CATSPERD: variants seen among roughly 807,000 people sequenced by gnomAD.
The protein encoded by CATSPERD is cation channel sperm-associated auxiliary subunit delta.
Under a neutral mutation model 98.1 loss-of-function variants are expected in CATSPERD, and 86 were observed. That is an observed-to-expected ratio of 0.88 (90% confidence interval 0.74 to 1.05). CATSPERD has a LOEUF of 1.05. Ranked by LOEUF, CATSPERD falls within the 50% of genes least tolerant of loss-of-function variation. CATSPERD has a pLI of 0.00. For synonymous variants in CATSPERD, 394 were observed against 390.2 expected (o/e 1.01, Z -0.12); for missense variants, 995 against 1,005.7 (o/e 0.99, Z 0.14).
At chr19:5,778,114 G>T (rs1369522489) in intron 21 of CATSPERD, among the ~76,000 whole-genome samples, 1 of 151,448 alleles carries the variant, frequency 6.6e-6, no homozygotes, top group Non-Finnish European at 1.5e-5. Flanking sequence ...GGCTGAGGCA[G>T]GAGAATTGCT....
Position 5,757,843 on chromosome 19 carries a change from G to C in CATSPERD, c.1279G>C (p.Val427Leu). The change falls in exon 14 of 22, where the codon GTG (valine) becomes CTG (leucine). Residue 427 changes from valine to leucine, a missense_variant and splice_region_variant. By Grantham distance (32) the Val-to-Leu change is conservative. Transcript: ENST00000381624. ...CTGAGCTTCTCTCCCCCACTCCCAG[G>C]TGATGGTGAGCAACCCCCACTCCCT... ...PQPGTSLIPL[V>L]MVSNPHSLGF... 4 of 1,612,594 alleles carry C rather than the reference G, an allele frequency of 2.5e-6. No individual in the cohort carries two copies. Among genetic ancestry groups the C allele is most frequent in the Non-Finnish European group, 3.4e-6 (4 of 1,179,484 alleles).
intron 6 of CATSPERD, among the ~76,000 whole-genome samples, chr19:5,738,352 CAA>C (rs767298084): frequency 0.073 from 7,635 of 104,890 alleles, 626 homozygotes; most frequent in African/African-American, 0.23. Flanking sequence ...ACTCAAAATA[CAA>C]AAAAAAAAAA....
At position 5,768,177 on chromosome 19, in the gene CATSPERD, C is replaced by T. The variant is rs17852928; in HGVS notation, c.1569C>T (p.Ser523=). ...DKKIVIQNKV[S]ACSMGILDPL... is the part of the protein sequence containing the mutation. Reference sequence around the variant, plus strand: ...CCACTTTTGCTTGCAGCAAAGTTTCCGCCTGTTCCATGGGCATCCTGGACC... The same window carrying T: ...CCACTTTTGCTTGCAGCAAAGTTTCTGCCTGTTCCATGGGCATCCTGGACC... Residue 523 remains serine, a synonymous_variant, in exon 18 of 22, where the codon TCC becomes TCT. Coordinates refer to ENST00000381624, the MANE Select transcript of CATSPERD (RefSeq NM_152784.4). 302 of 1,613,528 alleles carry T rather than the reference C, an allele frequency of 1.9e-4. No homozygotes were observed. Among genetic ancestry groups the T allele is most frequent in the East Asian group, 4.0e-4 (18 of 44,838 alleles).
intron 1 of CATSPERD, among the ~76,000 whole-genome samples, chr19:5,722,096 C>T (rs540950280): frequency 1.8e-4 from 27 of 152,142 alleles, no homozygotes; most frequent in African/African-American, 6.5e-4. Context: ...GGATTACAGG[C>T]ATGAGCCACC....
chr19:5,736,021 C>T (rs962707014), intron 5 of CATSPERD, among the ~76,000 whole-genome samples: 61 of 143,152 alleles, frequency 4.3e-4, no homozygotes, highest in African/African-American at 1.6e-3. Flanking sequence ...TCATGATCCG[C>T]CCGCTTCAGC....
At chr19:5,735,774 A>ATTTTTTTTTTTTTTTTTT (rs34107835) in intron 5 of CATSPERD, among the ~76,000 whole-genome samples, 1 of 102,060 alleles carries the variant, frequency 9.8e-6, no homozygotes, top group African/African-American at 3.8e-5. Context: ...TGCCCGGCTA[A>ATTTTTTTTTTTTTTTTTT]TTTTTTTTTT....
chr19:5,744,463 T>A lies in CATSPERD; in HGVS notation c.610T>A (p.Phe204Ile), dbSNP rs371175663. 5.0e-6 allele frequency: 8 copies of A among 1,612,188 alleles called. No homozygotes were observed. Among genetic ancestry groups the A allele is most frequent in the Non-Finnish European group, 5.9e-6 (7 of 1,178,744 alleles). The change falls in exon 8 of 22, where the codon TTT (phenylalanine) becomes ATT (isoleucine). Residue 204 changes from phenylalanine to isoleucine, a missense_variant. Around this residue, in one of 3 missense-constraint regions of CATSPERD, gnomAD observed 762 missense variants for 773.7 expected, o/e 0.98. Transcript: ENST00000381624. Reference sequence around the variant, plus strand: ...TGGGTCTTTAGGCGGAATCTTCCACTTTTTTTCTTTGTCACAGGTTGCGAT... The same window carrying A: ...TGGGTCTTTAGGCGGAATCTTCCACATTTTTTCTTTGTCACAGGTTGCGAT... ...IIGSLGGIFHFFSLSQVAMLV... is the reference protein window; with the variant it reads ...IIGSLGGIFHIFSLSQVAMLV...
Position 5,778,410 on chromosome 19 carries a change from G to C in CATSPERD, c.2131G>C (p.Val711Leu). The change falls in exon 22 of 22, where the codon GTG becomes CTG. Residue 711 changes from valine (V) to leucine (L), a missense_variant. By Grantham distance (32) the Val-to-Leu change is conservative (BLOSUM62 1). Coordinates refer to ENST00000381624, the MANE Select transcript of CATSPERD (RefSeq NM_152784.4). ...CQLETIFSIY[V>L]YGAFPVQLVS... is the part of the protein sequence containing the mutation. Reference sequence around the variant, plus strand: ...ACTGGAGACCATCTTTAGCATCTACGTGTATGGAGCATTCCCCGTGCAGCT... The same window carrying C: ...ACTGGAGACCATCTTTAGCATCTACCTGTATGGAGCATTCCCCGTGCAGCT... 4 of 1,613,314 alleles carry C rather than the reference G, an allele frequency of 2.5e-6. No individual in the cohort carries two copies. Among genetic ancestry groups the C allele is most frequent in the Non-Finnish European group, 3.4e-6 (4 of 1,179,760 alleles).
At chr19:5,766,184 C>T in intron 17 of CATSPERD, 29 bp downstream of exon 17, 1 of 1,600,162 alleles carries the variant, frequency 6.2e-7, no homozygotes, top group Non-Finnish European at 8.5e-7. Flanking sequence ...GGCACCATGG[C>T]TCATTCCTGT....
At chr19:5,755,174 T>C (rs2056301475) in intron 13 of CATSPERD, among the ~76,000 whole-genome samples, 1 of 152,042 alleles carries the variant, frequency 6.6e-6, no homozygotes, top group Admixed American at 6.6e-5. Context: ...AGTTGGCTTC[T>C]CTTGCTAGCA....
chr19:5,753,298 C>T lies in CATSPERD; in HGVS notation c.1165-834C>T, dbSNP rs147020881. Among the ~76,000 whole-genome samples the T allele has an allele frequency of 4.4e-3, 664 of 151,974 alleles. 6 individuals are homozygous for T. The highest frequency in any genetic ancestry group is 0.015 in the African/African-American group (640 of 41,466). ...AAGAGGGGGCGGGCGCGGTGGCTCA[C>T]GCCTGTAATCCCAGCGCTTTGGGAG... On this transcript the variant is annotated intron_variant, in intron 12 of 21. Transcript: ENST00000381624.
intron 15 of CATSPERD, among the ~76,000 whole-genome samples, chr19:5,761,303 T>C (rs1181495833): frequency 2.6e-5 from 4 of 152,130 alleles, no homozygotes; most frequent in Admixed American, 2.0e-4. Flanking sequence ...GGTTTCACCA[T>C]GTTAGCCAGG....
intron 15 of CATSPERD, among the ~76,000 whole-genome samples, chr19:5,762,056 A>ATATATATATATATATGTAT (rs1555725338): frequency 1.4e-4 from 2 of 14,482 alleles, no homozygotes; most frequent in Non-Finnish European, 3.2e-4. Context: ...ATATATATAT[A>ATATATATATATATATGTAT]TATTTTTTTT....
In CATSPERD at chr19:5,775,648, C is replaced by CAAA. The variant is rs1156270373; in HGVS notation, c.1942-496_1942-494dup. ...TGGGCAACAGAGTGAAACCCCATCTCAAAAAAAAAAAAAAAAAAAGAAAGA... is the reference window on the plus strand; with the variant it reads ...TGGGCAACAGAGTGAAACCCCATCTCAAAAAAAAAAAAAAAAAAAAAAGAAAGA... On this transcript the variant is annotated intron_variant, in intron 20 of 21. Coordinates refer to ENST00000381624, the MANE Select transcript of CATSPERD (RefSeq NM_152784.4). Among the ~76,000 whole-genome samples the CAAA allele has an allele frequency of 1.8e-3, 109 of 61,444 alleles. 3 individuals are homozygous for CAAA. The highest frequency in any genetic ancestry group is 5.1e-3 in the African/African-American group (94 of 18,586). 40.3% of individuals were successfully genotyped at this position (61,444 alleles called of 152,430 possible).
Position 5,722,741 on chromosome 19 carries a change from C to T in CATSPERD, c.71+1933C>T, listed in dbSNP as rs1009348171. 4.9e-5 allele frequency among the ~76,000 whole-genome samples: 7 copies of T among 143,664 alleles called. No individual in the cohort carries two copies. In the South Asian group the frequency reaches 9.3e-4, roughly 19 times the overall value. 94.2% of individuals were successfully genotyped at this position (143,664 alleles called of 152,430 possible). ...GGTGGTTTATCAAGACCCCCCCCCC[C>T]GCAACCCCGGTGATTCTGATGCATA... is the stretch of plus-strand genomic sequence containing the variant. On this transcript the variant is annotated intron_variant, in intron 1 of 21. Transcript: ENST00000381624.
At chr19:5,763,847 CTT>C (rs56352544) in intron 16 of CATSPERD, among the ~76,000 whole-genome samples, 8 of 62,108 alleles carry the variant, frequency 1.3e-4, no homozygotes, top group Admixed American at 2.6e-4. Flanking sequence ...TCTTGAACTC[CTT>C]TTTTTTTTTT....
At chr19:5,751,974 G>A (rs983569722) in intron 12 of CATSPERD, 151 bp downstream of exon 12, 20 of 711,348 alleles carry the variant, frequency 2.8e-5, no homozygotes, top group Non-Finnish European at 4.3e-5. Flanking sequence ...ACCAGCCTGG[G>A]CAACATACAC....
At chr19:5,755,497 C>T (rs763792535) in intron 13 of CATSPERD, among the ~76,000 whole-genome samples, 6 of 152,026 alleles carry the variant, frequency 3.9e-5, no homozygotes, top group African/African-American at 9.7e-5. Context: ...GGGCCGGGCG[C>T]GGTGGCTCCC....
intron 9 of CATSPERD, among the ~76,000 whole-genome samples, chr19:5,746,811 C>CT (rs71172759): frequency 0.79 from 117,965 of 148,652 alleles, 46,844 homozygotes; most frequent in East Asian, 0.87. Context: ...TCCTGTTTTT[C>CT]TTTTTTTTTT....
Sources: gnomAD v4.1 joint callset for allele counts (sites outside exome capture counted in the v4.1 genomes callset) on GRCh38, gnomAD v4.1.1 for gene constraint, gnomAD v4.1.1 regional missense constraint, MANE v1.5 for transcripts, NCBI Gene and HGNC (gene_info 2026-07-23, HGNC 2026-07-21) for gene names.